KANSL1: variants seen among roughly 807,000 people sequenced by gnomAD.
KANSL1 encodes the protein MLL1/MLL complex subunit KANSL1.
In KANSL1, 22 loss-of-function variants were observed where a neutral mutation model predicts 103.6. The observed-to-expected ratio is 0.21, with a 90% CI of 0.15 to 0.30. KANSL1 has a LOEUF of 0.30. KANSL1 is among the 10% of genes least tolerant of loss of function. KANSL1 has a pLI of 1.00. For synonymous variants in KANSL1, 600 were observed against 527.6 expected (o/e 1.14, Z -1.88); for missense variants, 1,337 against 1,399.8 (o/e 0.96, Z 0.72).
intron 11 of KANSL1, 197 bp from the exon 12 acceptor site, chr17:46,033,657 A>G: frequency 1.6e-6 from 1 of 622,524 alleles, no homozygotes; most frequent in South Asian, 2.0e-5. Flanking sequence ...CAAATGCCCA[A>G]GAAGGCCAGA....
At chr17:46,194,228 G>C (rs1349640861), upstream of KANSL1, among the ~76,000 whole-genome samples, 1 of 152,292 alleles carries the variant, frequency 6.6e-6, no homozygotes, top group East Asian at 1.9e-4. Flanking sequence ...GGGTGTCATG[G>C]CTTGGCAGAT....
At position 46,186,103 on chromosome 17, in the gene KANSL1, C is replaced by T. The variant is rs552529221; in HGVS notation, c.-90+6720G>A. On this transcript the variant is annotated intron_variant, in intron 1 of 14. Transcript: ENST00000432791. ...TAAGAATTCTAAAGGAGGCCGGGCGCGGTGGCTCATGCCTGTAATACCAGC... is the reference window on the plus strand; with the variant it reads ...TAAGAATTCTAAAGGAGGCCGGGCGTGGTGGCTCATGCCTGTAATACCAGC... Among the ~76,000 whole-genome samples the T allele has an allele frequency of 1.6e-4, 25 of 151,988 alleles. No individual in the cohort carries two copies. The South Asian group carries it at 5.0e-3, about 30-fold the overall frequency.
intron 4 of KANSL1, among the ~76,000 whole-genome samples, chr17:46,078,209 A>G (rs1008776934): frequency 1.3e-5 from 2 of 152,184 alleles, no homozygotes; most frequent in African/African-American, 2.4e-5. Flanking sequence ...TCGTCCTGGG[A>G]AACATTCTTT....
At chr17:46,165,567 G>A (rs1383124283) in intron 2 of KANSL1, among the ~76,000 whole-genome samples, 1 of 149,876 alleles carries the variant, frequency 6.7e-6, no homozygotes, top group Non-Finnish European at 1.5e-5. Context: ...ATGGAGTGCA[G>A]AGCTGAGATT....
At chr17:46,176,743 C>G (rs2046539220) in intron 1 of KANSL1, among the ~76,000 whole-genome samples, 1 of 151,858 alleles carries the variant, frequency 6.6e-6, no homozygotes, top group Non-Finnish European at 1.5e-5. Context: ...GAAATGATGT[C>G]TATGAACTTG....
intron 2 of KANSL1, among the ~76,000 whole-genome samples, chr17:46,163,831 T>C (rs377683130): frequency 2.0e-5 from 3 of 152,368 alleles, no homozygotes; most frequent in African/African-American, 7.2e-5. Flanking sequence ...TCTGTACCTA[T>C]AATACTATGT....
At chr17:46,123,144 C>A (rs75652502) in intron 2 of KANSL1, among the ~76,000 whole-genome samples, 21,712 of 152,038 alleles carry the variant, frequency 0.14, 2,132 homozygotes, top group Non-Finnish European at 0.22. Context: ...TGGGAGGCGG[C>A]GGCAGGCGGA....
intron 4 of KANSL1, among the ~76,000 whole-genome samples, chr17:46,078,818 A>T (rs761470381): frequency 2.0e-5 from 3 of 152,218 alleles, no homozygotes; most frequent in Non-Finnish European, 4.4e-5. Context: ...GTTTCAATAC[A>T]CTAGAGAACA....
chr17:46,105,387 C>T (rs1404040239), intron 2 of KANSL1, among the ~76,000 whole-genome samples: 2 of 152,068 alleles, frequency 1.3e-5, no homozygotes, highest in South Asian at 2.1e-4. Context: ...GAGGCTGAGG[C>T]GGGCAGATGA....
chr17:46,052,322 T>G (rs1199623903), intron 6 of KANSL1, among the ~76,000 whole-genome samples: 4 of 152,196 alleles, frequency 2.6e-5, no homozygotes, highest in Non-Finnish European at 5.9e-5. Flanking sequence ...CAACACTACA[T>G]TTTATGGCTA....
chr17:46,055,308 A>G (rs560255424), intron 6 of KANSL1, among the ~76,000 whole-genome samples: 2 of 152,066 alleles, frequency 1.3e-5, no homozygotes, highest in South Asian at 4.2e-4. Flanking sequence ...TACTAAAAAT[A>G]CAAAAAATTA....
At chr17:46,107,090 G>C (rs2042599319) in intron 2 of KANSL1, among the ~76,000 whole-genome samples, 2 of 152,208 alleles carry the variant, frequency 1.3e-5, no homozygotes. Context: ...ACCCAAGTTT[G>C]GCATTTCCTG....
chr17:46,137,344 A>G (rs1173373054), intron 2 of KANSL1, among the ~76,000 whole-genome samples: 1 of 152,228 alleles, frequency 6.6e-6, no homozygotes, highest in Non-Finnish European at 1.5e-5. Flanking sequence ...TTAAACCAGA[A>G]GCTATTACTA....
intron 2 of KANSL1, among the ~76,000 whole-genome samples, chr17:46,141,924 G>A (rs776942472): frequency 1.4e-4 from 21 of 152,086 alleles, no homozygotes; most frequent in Non-Finnish European, 2.5e-4. Context: ...GTCTCACTCT[G>A]CGTGCCCAGG....
At chr17:46,201,073 G>A (rs1444858091) in intron 1 of KANSL1, among the ~76,000 whole-genome samples, 4 of 152,042 alleles carry the variant, frequency 2.6e-5, no homozygotes, top group South Asian at 2.1e-4. Context: ...CACCATGCCC[G>A]GCTAATCTTT....
intron 2 of KANSL1, among the ~76,000 whole-genome samples, chr17:46,135,679 G>GC (rs1218994710): frequency 7.1e-6 from 1 of 140,576 alleles, no homozygotes; most frequent in Admixed American, 7.3e-5. Context: ...CTACAGGCAT[G>GC]CCCCACCATG....
intron 2 of KANSL1, among the ~76,000 whole-genome samples, chr17:46,130,225 G>A (rs1222023535): frequency 7.4e-6 from 1 of 135,294 alleles, no homozygotes; most frequent in Non-Finnish European, 1.7e-5. Flanking sequence ...AACTAGGGAG[G>A]CTTTTAAAAC....
intron 2 of KANSL1, among the ~76,000 whole-genome samples, chr17:46,168,481 G>A (rs914895088): frequency 1.3e-5 from 2 of 152,160 alleles, no homozygotes; most frequent in Admixed American, 6.5e-5. Flanking sequence ...CAGAGCAGCT[G>A]GATGTAGAGG....
intron 1 of KANSL1, among the ~76,000 whole-genome samples, chr17:46,200,319 T>G (rs2047756229): frequency 1.3e-5 from 2 of 151,982 alleles, no homozygotes; most frequent in Admixed American, 1.3e-4. Context: ...AACATAAAGG[T>G]AAATATGCAG....
Sources: gnomAD v4.1 joint callset for allele counts (sites outside exome capture counted in the v4.1 genomes callset) on GRCh38, gnomAD v4.1.1 for gene constraint, MANE v1.5 for transcripts, NCBI Gene and HGNC (gene_info 2026-07-23, HGNC 2026-07-21) for gene names.